The following SERINC5 variants were observed in gnomAD, a reference collection of about 807,000 sequenced individuals.
SERINC5 encodes the protein serine incorporator 5.
Under a neutral mutation model 63.1 loss-of-function variants are expected in SERINC5, and 41 were observed. That is an observed-to-expected ratio of 0.65 (90% CI 0.51 to 0.84). The LOEUF is 0.84. SERINC5 is among the 40% of genes least tolerant of loss of function. The probability of loss-of-function intolerance (pLI) is 0.00; values close to 1 mark genes in which losing one functional copy is unlikely to be tolerated. For missense variants in SERINC5, 523 were observed against 573.0 expected (o/e 0.91, Z 0.89); for synonymous variants, 222 against 215.2 (o/e 1.03, Z -0.28).
chr5:80,252,673 T>A (rs1752484003), intron 1 of SERINC5, among the ~76,000 whole-genome samples: 1 of 152,244 alleles, frequency 6.6e-6, no homozygotes, highest in Non-Finnish European at 1.5e-5. Flanking sequence ...CCTCACACTC[T>A]GCCAAATCCT....
intron 2 of SERINC5, among the ~76,000 whole-genome samples, chr5:80,201,207 CCCTACTGTGGGCAGCTCCATCAGAG>C (rs1204999121): frequency 6.6e-6 from 1 of 152,214 alleles, no homozygotes; most frequent in African/African-American, 2.4e-5. Flanking sequence ...GCAATGTCAT[CCCTACTGTGGGCAGCTCCATCAGAG>C]CCTGCTCCGG....
chr5:80,177,269 TG>T, intron 4 of SERINC5, 45 bp downstream of exon 4: 1 of 1,385,380 alleles, frequency 7.2e-7, no homozygotes, highest in Non-Finnish European at 1.0e-6. Flanking sequence ...TTTGACAAAA[TG>T]GGTAAAAACA....
intron 8 of SERINC5, among the ~76,000 whole-genome samples, chr5:80,156,717 A>G (rs1746543647): frequency 6.6e-6 from 1 of 152,206 alleles, no homozygotes; most frequent in Non-Finnish European, 1.5e-5. Context: ...TCTTTTGGGA[A>G]TATCAGACCA....
chr5:80,183,557 A>G (rs1223106842), intron 2 of SERINC5, among the ~76,000 whole-genome samples: 1 of 152,138 alleles, frequency 6.6e-6, no homozygotes, highest in Non-Finnish European at 1.5e-5. Flanking sequence ...GAAGAATCAC[A>G]AAAGAAGTGA....
intron 2 of SERINC5, among the ~76,000 whole-genome samples, chr5:80,194,292 T>C (rs1338754291): frequency 1.3e-5 from 2 of 151,100 alleles, no homozygotes; most frequent in Admixed American, 6.6e-5. Flanking sequence ...GGCTTCAATG[T>C]GCCTATGCCA....
intron 2 of SERINC5, among the ~76,000 whole-genome samples, chr5:80,187,064 G>T (rs1430863808): frequency 2.0e-5 from 3 of 152,080 alleles, no homozygotes; most frequent in African/African-American, 7.3e-5. Flanking sequence ...TACTCAGGAG[G>T]CTGAGGCAGG....
chr5:80,230,576 C>G (rs994438616), intron 1 of SERINC5, among the ~76,000 whole-genome samples: 2 of 151,972 alleles, frequency 1.3e-5, no homozygotes, highest in African/African-American at 4.8e-5. Flanking sequence ...ACAGCCGCCA[C>G]TCTCATTTAT....
intron 7 of SERINC5, among the ~76,000 whole-genome samples, chr5:80,159,734 T>A (rs1306220795): frequency 1.3e-5 from 2 of 152,068 alleles, no homozygotes; most frequent in Non-Finnish European, 2.9e-5. Flanking sequence ...ATTTAATCAA[T>A]CATGCCTGTG....
chr5:80,169,238 T>C, intron 6 of SERINC5, 97 bp downstream of exon 6: 7 of 1,030,152 alleles, frequency 6.8e-6, no homozygotes, highest in Middle Eastern at 2.1e-4. Flanking sequence ...AATACACTAG[T>C]TCCAAACAAA....
intron 1 of SERINC5, among the ~76,000 whole-genome samples, chr5:80,242,102 G>C (rs964417204): frequency 6.6e-6 from 1 of 152,056 alleles, no homozygotes; most frequent in African/African-American, 2.4e-5. Flanking sequence ...CTGCACTCCA[G>C]CCTGGGCAAT....
chr5:80,166,661 A>T, intron 6 of SERINC5, 183 bp from the exon 7 acceptor site: 1 of 486,830 alleles, frequency 2.1e-6, no homozygotes, highest in Non-Finnish European at 3.8e-6. Flanking sequence ...AGGGGGAGAG[A>T]GTTACACGCT....
chr5:80,232,980 C>G (rs1294724293), intron 1 of SERINC5, among the ~76,000 whole-genome samples: 3 of 152,086 alleles, frequency 2.0e-5, no homozygotes, highest in Admixed American at 2.0e-4. Flanking sequence ...TGGGAGGGAA[C>G]TGGGAGTGAC....
chr5:80,204,923 T>A (rs955694296), intron 1 of SERINC5, among the ~76,000 whole-genome samples: 1 of 152,218 alleles, frequency 6.6e-6, no homozygotes, highest in Non-Finnish European at 1.5e-5. Context: ...AGAAGCCTTT[T>A]GTTCTTTGTG....
intron 7 of SERINC5, 76 bp downstream of exon 7, chr5:80,166,307 T>G: frequency 9.4e-7 from 1 of 1,066,910 alleles, no homozygotes; most frequent in Non-Finnish European, 1.4e-6. Context: ...CTCTCCAATA[T>G]TTAAACAATA....
intron 1 of SERINC5, among the ~76,000 whole-genome samples, chr5:80,208,371 T>TAAAAAA (rs5869025): frequency 7.2e-6 from 1 of 138,934 alleles, no homozygotes; most frequent in Non-Finnish European, 1.6e-5. Context: ...AAAACTGCTC[T>TAAAAAA]AAAAAAAAAA....
In SERINC5 at chr5:80,140,900, T is replaced by G. The variant is rs1745468023; in HGVS notation, c.*2763A>C. ...TTCTGGGAATATACTCTTTAGGTCA[T>G]GTACAAAAAGGTGTAGGAAGCAAAT... On this transcript the variant is annotated 3_prime_UTR_variant, in exon 12 of 12. Coordinates refer to ENST00000507668, the MANE Select transcript of SERINC5 (RefSeq NM_001174072.3). The G allele has an allele frequency of 1.0e-6, 1 of 985,298 alleles. No individual in the cohort carries two copies. The highest frequency in any genetic ancestry group is 1.7e-5 in the African/African-American group (1 of 57,354). The allele number at this position is 985,298 out of a possible 1,614,324, so 61.0% of individuals were successfully genotyped here.
intron 11 of SERINC5, among the ~76,000 whole-genome samples, chr5:80,117,791 C>T (rs1744390841): frequency 6.6e-6 from 1 of 151,970 alleles, no homozygotes; most frequent in African/African-American, 2.4e-5. Context: ...TTACTTACTT[C>T]TTCCAGCTTT....
chr5:80,248,054 G>A (rs1012759793), intron 1 of SERINC5, among the ~76,000 whole-genome samples: 7 of 151,952 alleles, frequency 4.6e-5, no homozygotes, highest in African/African-American at 1.7e-4. Context: ...GTTTCTCCAT[G>A]TTGCCCAGGC....
At chr5:80,118,870 T>C (rs1170284598) in intron 11 of SERINC5, among the ~76,000 whole-genome samples, 1 of 152,022 alleles carries the variant, frequency 6.6e-6, no homozygotes, top group Admixed American at 6.6e-5. Context: ...GCTTCATTCA[T>C]GAAGGTTCTA....
Sources: gnomAD v4.1 joint callset for allele counts (sites outside exome capture counted in the v4.1 genomes callset) on GRCh38, gnomAD v4.1.1 for gene constraint, MANE v1.5 for transcripts, NCBI Gene and HGNC (gene_info 2026-07-23, HGNC 2026-07-21) for gene names.